Variants in TMEM71 observed in about 807,000 individuals in gnomAD.
The protein encoded by TMEM71 is transmembrane protein 71.
In TMEM71, 44 loss-of-function variants were observed where a neutral mutation model predicts 38.0. That is an observed-to-expected ratio of 1.16 (90% CI 0.91 to 1.49). The LOEUF (loss-of-function observed/expected upper bound fraction) is 1.49. TMEM71 is among the 40% of genes most tolerant of loss of function. The pLI is 0.00. For missense variants in TMEM71, 367 were observed against 348.6 expected (o/e 1.05, Z -0.42); for synonymous variants, 133 against 122.5 (o/e 1.09, Z -0.56).
At chr8:132,737,986 G>A (rs1296041531) in intron 5 of TMEM71, among the ~76,000 whole-genome samples, 2 of 152,050 alleles carry the variant, frequency 1.3e-5, no homozygotes, top group African/African-American at 4.8e-5. Flanking sequence ...CAACCCATAA[G>A]AAATACAATT....
intron 5 of TMEM71, among the ~76,000 whole-genome samples, chr8:132,746,735 A>T (rs192215746): frequency 6.6e-6 from 1 of 152,216 alleles, no homozygotes; most frequent in African/African-American, 2.4e-5. Context: ...ACACATTTAC[A>T]TTAGGCTATT....
rs749920020 is a variant in TMEM71, at chr8:132,746,899, T to G, written c.487+43A>C. On this transcript the variant is annotated intron_variant, in intron 5 of 9. Coordinates refer to ENST00000677595, the MANE Select transcript of TMEM71 (RefSeq NM_001382403.1). ...GGACCACAGGGTTACCACTGCCCAC[T>G]TGGAGATAAAATTTTACTATGGAAA... The G allele has an allele frequency of 2.0e-6, 3 of 1,510,412 alleles. No homozygotes were observed. The South Asian group carries it at 4.1e-5, about 21-fold the overall frequency. 93.6% of individuals were successfully genotyped at this position (1,510,412 alleles called of 1,614,324 possible).
chr8:132,758,903 C>T lies in TMEM71; in HGVS notation c.-24G>A. ...ATCTTGGGAAGGCCGCTTGCTCAAACTTCACAGATTCTCTGCAAAAGATGT... is the reference window on the plus strand; with the variant it reads ...ATCTTGGGAAGGCCGCTTGCTCAAATTTCACAGATTCTCTGCAAAAGATGT... On this transcript the variant is annotated 5_prime_UTR_variant, in exon 2 of 10. Coordinates refer to ENST00000677595, the MANE Select transcript of TMEM71 (RefSeq NM_001382403.1). 1 of 1,611,030 alleles carries T rather than the reference C, an allele frequency of 6.2e-7. No individual in the cohort carries two copies.
chr8:132,713,949 T>C lies in TMEM71; in HGVS notation c.872+46A>G, dbSNP rs758323309. 3 of 1,584,896 alleles carry C rather than the reference T, an allele frequency of 1.9e-6. No homozygotes were observed. The East Asian group carries it at 6.8e-5, about 36-fold the overall frequency. On this transcript the variant is annotated intron_variant, in intron 9 of 9. Transcript: ENST00000677595. ...GAAACCATTCTCAGATATCAAATTA[T>C]GATCACCTTGGTCCAGACAATAATG...
intron 4 of TMEM71, among the ~76,000 whole-genome samples, chr8:132,748,154 A>G (rs1422203236): frequency 6.6e-6 from 1 of 152,254 alleles, no homozygotes; most frequent in Non-Finnish European, 1.5e-5. Flanking sequence ...CAAGGTGGGC[A>G]TGGAACAGTT....
chr8:132,729,551 G>A (rs1157887900), intron 5 of TMEM71, among the ~76,000 whole-genome samples: 1 of 152,190 alleles, frequency 6.6e-6, no homozygotes, highest in Non-Finnish European at 1.5e-5. Flanking sequence ...ACATCTAAAA[G>A]GGACTGCACA....
chr8:132,737,704 C>A (rs984326556), intron 5 of TMEM71, among the ~76,000 whole-genome samples: 1 of 152,214 alleles, frequency 6.6e-6, no homozygotes, highest in Non-Finnish European at 1.5e-5. Flanking sequence ...TTTCTTGGAA[C>A]TGTGCTTGCC....
At chr8:132,748,837 C>T (rs929478174) in intron 4 of TMEM71, among the ~76,000 whole-genome samples, 5 of 152,132 alleles carry the variant, frequency 3.3e-5, no homozygotes, top group East Asian at 1.9e-4. Context: ...AAAACTGATT[C>T]GCTAAAGTCA....
At chr8:132,749,401 A>T (rs1828567891) in intron 4 of TMEM71, among the ~76,000 whole-genome samples, 1 of 152,234 alleles carries the variant, frequency 6.6e-6, no homozygotes, top group Admixed American at 6.5e-5. Flanking sequence ...AATACACTGT[A>T]CCTGGACACA....
At chr8:132,729,650 C>T (rs1827340247) in intron 5 of TMEM71, among the ~76,000 whole-genome samples, 1 of 152,180 alleles carries the variant, frequency 6.6e-6, no homozygotes, top group African/African-American at 2.4e-5. Flanking sequence ...TAACTCTAAG[C>T]ATACGCTGTG....
chr8:132,758,925 A>T lies in TMEM71; in HGVS notation c.-36-10T>A. On this transcript the variant is annotated splice_polypyrimidine_tract_variant and intron_variant, in intron 1 of 9. Transcript: ENST00000677595. ...AAACTTCACAGATTCTCTGCAAAAGATGTTAAAAAAAAGGTGGACTATATA... is the reference window on the plus strand; with the variant it reads ...AAACTTCACAGATTCTCTGCAAAAGTTGTTAAAAAAAAGGTGGACTATATA... 1 of 1,578,830 alleles carries T rather than the reference A, an allele frequency of 6.3e-7. No individual in the cohort carries two copies. Among genetic ancestry groups the T allele is most frequent in the Non-Finnish European group, 8.7e-7 (1 of 1,149,000 alleles).
At chr8:132,766,789 AAAAAAATAAAAAT>A in the TMEM71 span, among the ~76,000 whole-genome samples, 1 of 76,594 alleles carries the variant, frequency 1.3e-5, no homozygotes, top group Non-Finnish European at 3.5e-5. Flanking sequence ...TGTCTAAAAA[AAAAAAATAAAAAT>A]AAAAAAGATG....
chr8:132,768,268 C>T, the TMEM71 span, among the ~76,000 whole-genome samples: 8 of 152,032 alleles, frequency 5.3e-5, no homozygotes, highest in Non-Finnish European at 8.8e-5. Flanking sequence ...TCATTATTTG[C>T]CTTTAGATTT....
intron 5 of TMEM71, among the ~76,000 whole-genome samples, chr8:132,739,304 C>CTGTTTTTGTTTTTGTTTT (rs759756164): frequency 6.6e-6 from 1 of 152,020 alleles, no homozygotes; most frequent in African/African-American, 2.4e-5. Context: ...TCCAACTCTG[C>CTGTTTTTGTTTTTGTTTT]TGTTTTTGTT....
At chr8:132,775,687 C>T in the TMEM71 span, 4 of 327,532 alleles carry the variant, frequency 1.2e-5, no homozygotes, top group Non-Finnish European at 2.2e-5. Context: ...CGCCTGGCCC[C>T]CGCCGGGCCG....
chr8:132,719,933 G>T (rs777142050), intron 7 of TMEM71, among the ~76,000 whole-genome samples: 1 of 152,146 alleles, frequency 6.6e-6, no homozygotes, highest in Non-Finnish European at 1.5e-5. Flanking sequence ...CATTGCGTCT[G>T]CTAGGCTCCT....
chr8:132,731,635 C>T (rs762899107), intron 5 of TMEM71, among the ~76,000 whole-genome samples: 2 of 152,096 alleles, frequency 1.3e-5, no homozygotes, highest in Non-Finnish European at 1.5e-5. Context: ...ACAGGCATAG[C>T]AAGAGGGCCT....
At chr8:132,768,379 C>T in the TMEM71 span, among the ~76,000 whole-genome samples, 1 of 152,134 alleles carries the variant, frequency 6.6e-6, no homozygotes, top group Non-Finnish European at 1.5e-5. Flanking sequence ...GGCACGGTGG[C>T]TTACGTCTGT....
At chr8:132,728,050 TCA>T in intron 5 of TMEM71, 64 bp from the exon 6 acceptor site, 4 of 1,082,016 alleles carry the variant, frequency 3.7e-6, no homozygotes, top group South Asian at 1.5e-5. Context: ...GTGTGTGTGT[TCA>T]GTGACTGCTC....
Sources: gnomAD v4.1 joint callset for allele counts (sites outside exome capture counted in the v4.1 genomes callset) on GRCh38, gnomAD v4.1.1 for gene constraint, MANE v1.5 for transcripts, NCBI Gene and HGNC (gene_info 2026-07-23, HGNC 2026-07-21) for gene names.